The following ANTXRL variants were observed in gnomAD, a reference collection of about 807,000 sequenced individuals.
The protein encoded by ANTXRL is anthrax toxin receptor-like.
ANTXRL carries 63 observed loss-of-function variants against 75.4 expected under a neutral mutation model. The ratio of observed to expected loss-of-function variants is 0.84; its 90% CI spans 0.68 to 1.03. The LOEUF (loss-of-function observed/expected upper bound fraction) is 1.03. Ranked by LOEUF, ANTXRL falls within the 50% of genes least tolerant of loss-of-function variation. ANTXRL has a pLI of 0.00. For synonymous variants in ANTXRL, 335 were observed against 291.3 expected (o/e 1.15, Z -1.53); for missense variants, 797 against 789.4 (o/e 1.01, Z -0.12).
Position 46,329,861 on chromosome 10 carries a change from G to GAC in ANTXRL, c.1677_1678dup (p.Ser560ThrfsTer42), listed in dbSNP as rs782728009. Reference sequence around the variant, plus strand: ...CCCTGCAGCCCAAGGATCTGCCTGAGACACAGCCCGGAGTACTTTTCCCAA... The same window carrying GAC: ...CCCTGCAGCCCAAGGATCTGCCTGAGACACACAGCCCGGAGTACTTTTCCCAA... On this transcript the variant is annotated frameshift_variant, in exon 17 of 17. Coordinates refer to ENST00000620264, the MANE Select transcript of ANTXRL (RefSeq NM_001278688.3). LOFTEE classifies it high-confidence loss of function. The GAC allele has an allele frequency of 6.5e-7, 1 of 1,535,086 alleles. No homozygotes were observed. The highest frequency in any genetic ancestry group is 2.4e-5 in the East Asian group (1 of 40,852).
At chr10:46,303,547 C>T (rs1358382006) in intron 10 of ANTXRL, among the ~76,000 whole-genome samples, 5 of 152,160 alleles carry the variant, frequency 3.3e-5, no homozygotes, top group East Asian at 1.9e-4. Flanking sequence ...GCATTTCTTT[C>T]GAACATCATG....
At position 46,298,771 on chromosome 10, in the gene ANTXRL, ATG is replaced by A. The variant is rs148609400; in HGVS notation, c.796+720_796+721del. On this transcript the variant is annotated intron_variant, in intron 9 of 16. Coordinates refer to ENST00000620264, the MANE Select transcript of ANTXRL (RefSeq NM_001278688.3). ...TTTGGTGTATGTGTGTTTGCTATTTATGTGTGTGTGTGGTGTGTGGGTGTGTG... is the reference window on the plus strand; with the variant it reads ...TTTGGTGTATGTGTGTTTGCTATTTATGTGTGTGTGGTGTGTGGGTGTGTG... Among the ~76,000 whole-genome samples, 454 of 142,528 alleles carry A rather than the reference ATG, an allele frequency of 3.2e-3. 2 individuals carry two copies. Among genetic ancestry groups the A allele is most frequent in the African/African-American group, 0.011 (432 of 38,032 alleles). 93.5% of individuals were successfully genotyped at this position (142,528 alleles called of 152,430 possible). A position where few individuals can be genotyped will look rare whatever the true frequency, so the allele number is the denominator to read the frequency against.
At chr10:46,295,089 C>T (rs1837286072) in intron 3 of ANTXRL, among the ~76,000 whole-genome samples, 1 of 152,206 alleles carries the variant, frequency 6.6e-6, no homozygotes, top group Non-Finnish European at 1.5e-5. Context: ...CAGTGTTCAG[C>T]CCCTGCATGC....
At chr10:46,318,714 A>G (rs1838848856) in intron 16 of ANTXRL, among the ~76,000 whole-genome samples, 1 of 152,156 alleles carries the variant, frequency 6.6e-6, no homozygotes, top group Non-Finnish European at 1.5e-5. Context: ...GACAGTGTGT[A>G]TGCAGGTGAG....
chr10:46,309,758 GACAGA>G (rs1838313846), intron 13 of ANTXRL, among the ~76,000 whole-genome samples: 1 of 152,148 alleles, frequency 6.6e-6, no homozygotes, highest in African/African-American at 2.4e-5. Flanking sequence ...GCTGGGCAGG[GACAGA>G]AATGGTGGCT....
At chr10:46,298,201 GTGTA>G in intron 9 of ANTXRL, 139 bp downstream of exon 9, 1 of 825,422 alleles carries the variant, frequency 1.2e-6, no homozygotes. Flanking sequence ...TGTATGTGGT[GTGTA>G]TGTGTTTGGT....
intron 16 of ANTXRL, among the ~76,000 whole-genome samples, chr10:46,315,671 TAAGCTCGGG>T (rs1214345907): frequency 6.6e-6 from 1 of 152,204 alleles, no homozygotes; most frequent in Non-Finnish European, 1.5e-5. Flanking sequence ...GGGAGTGTGA[TAAGCTCGGG>T]AAGTTGATGA....
intron 16 of ANTXRL, among the ~76,000 whole-genome samples, chr10:46,327,596 T>G (rs559625457): frequency 1.3e-5 from 2 of 152,102 alleles, no homozygotes; most frequent in African/African-American, 4.8e-5. Context: ...GGGGCCTAGA[T>G]GGGAGAAGGG....
Position 46,287,002 on chromosome 10 carries a change from C to A in ANTXRL, c.-261C>A. 1.8e-6 allele frequency: 1 copy of A among 544,748 alleles called. No individual in the cohort carries two copies. The highest frequency in any genetic ancestry group is 2.3e-5 in the South Asian group (1 of 42,714). 33.7% of individuals were successfully genotyped at this position (544,748 alleles called of 1,614,324 possible). On this transcript the variant is annotated 5_prime_UTR_variant, in exon 1 of 17. Transcript: ENST00000620264. ...ATGTCAACCTTCCTGTCAACCATAA[C>A]AGAGAATTCTGTCCCCAGGGTGGGG...
At chr10:46,295,220 G>A (rs1367586960) in intron 3 of ANTXRL, among the ~76,000 whole-genome samples, 1 of 152,168 alleles carries the variant, frequency 6.6e-6, no homozygotes, top group African/African-American at 2.4e-5. Flanking sequence ...AGATAGAGCA[G>A]GAAACTGAGT....
intron 16 of ANTXRL, among the ~76,000 whole-genome samples, chr10:46,321,918 T>G (rs1267380532): frequency 6.6e-6 from 1 of 152,094 alleles, no homozygotes; most frequent in African/African-American, 2.4e-5. Context: ...AGTTTTAAGA[T>G]GTCATTTGTT....
At chr10:46,316,561 A>T (rs1838735909) in intron 16 of ANTXRL, among the ~76,000 whole-genome samples, 1 of 151,984 alleles carries the variant, frequency 6.6e-6, no homozygotes, top group Non-Finnish European at 1.5e-5. Context: ...ATGTTTAGTG[A>T]TGGGCTCAAC....
intron 3 of ANTXRL, among the ~76,000 whole-genome samples, chr10:46,295,536 T>G (rs1837321291): frequency 3.3e-5 from 4 of 121,894 alleles, no homozygotes; most frequent in Admixed American, 8.5e-5. Flanking sequence ...TGTCAGTGGC[T>G]GACTCTCAGT....
intron 1 of ANTXRL, among the ~76,000 whole-genome samples, chr10:46,288,106 C>G (rs1359012673): frequency 3.9e-5 from 6 of 152,142 alleles, no homozygotes; most frequent in Admixed American, 2.6e-4. Context: ...ACGTATTAGG[C>G]ACCTTCTGGC....
chr10:46,305,814 C>A (rs565895369), intron 10 of ANTXRL, among the ~76,000 whole-genome samples: 1 of 151,904 alleles, frequency 6.6e-6, no homozygotes, highest in East Asian at 1.9e-4. Context: ...AAAAAAAAAA[C>A]CCAGTCCCCT....
At chr10:46,293,263 T>C (rs1295173867) in intron 2 of ANTXRL, among the ~76,000 whole-genome samples, 1 of 120,336 alleles carries the variant, frequency 8.3e-6, no homozygotes, top group African/African-American at 3.1e-5. Flanking sequence ...GGGGTGTGTA[T>C]ACCTGTGCGT....
At chr10:46,310,821 T>C (rs1473992401) in intron 14 of ANTXRL, among the ~76,000 whole-genome samples, 2 of 152,078 alleles carry the variant, frequency 1.3e-5, no homozygotes, top group African/African-American at 4.8e-5. Flanking sequence ...ACAGAGGCGC[T>C]CTGGAAAAGG....
intron 10 of ANTXRL, among the ~76,000 whole-genome samples, chr10:46,304,404 G>A (rs1588829657): frequency 6.6e-6 from 1 of 152,196 alleles, no homozygotes; most frequent in East Asian, 1.9e-4. Context: ...ATGAAGATTA[G>A]GGAATTGTTT....
chr10:46,306,222 T>C (rs1242125141), intron 10 of ANTXRL, among the ~76,000 whole-genome samples: 1 of 152,204 alleles, frequency 6.6e-6, no homozygotes, highest in Non-Finnish European at 1.5e-5. Context: ...AGAGATAATT[T>C]ATCATTCATG....
Sources: gnomAD v4.1 joint callset for allele counts (sites outside exome capture counted in the v4.1 genomes callset) on GRCh38, gnomAD v4.1.1 for gene constraint, MANE v1.5 for transcripts, NCBI Gene and HGNC (gene_info 2026-07-23, HGNC 2026-07-21) for gene names.